SPAG16: variants seen among roughly 807,000 people sequenced by gnomAD.
SPAG16 encodes the protein sperm associated antigen 16.
Under a neutral mutation model 80.4 loss-of-function variants are expected in SPAG16, and 86 were observed. That is an observed-to-expected ratio of 1.07 (90% CI 0.90 to 1.28). The LOEUF (loss-of-function observed/expected upper bound fraction) is 1.28, where lower values mean the gene tolerates loss of function less well. Among genes scored for constraint, SPAG16 ranks in the 50% most tolerant of loss-of-function variants. The pLI is 0.00. For missense variants in SPAG16, 870 were observed against 765.3 expected (o/e 1.14, Z -1.61); for synonymous variants, 294 against 265.9 (o/e 1.11, Z -1.03).
At chr2:213,799,106 C>T (rs1253678196) in intron 10 of SPAG16, among the ~76,000 whole-genome samples, 1 of 151,852 alleles carries the variant, frequency 6.6e-6, no homozygotes, top group African/African-American at 2.4e-5. Flanking sequence ...TTTTGCAAAA[C>T]CAAAAAAGCA....
intron 10 of SPAG16, among the ~76,000 whole-genome samples, chr2:213,578,391 G>A (rs1207160809): frequency 6.6e-6 from 1 of 152,072 alleles, no homozygotes; most frequent in Non-Finnish European, 1.5e-5. Flanking sequence ...AGATGCTAAG[G>A]TGTGTATTCT....
chr2:214,367,496 T>G (rs1449915671), intron 15 of SPAG16, among the ~76,000 whole-genome samples: 1 of 152,154 alleles, frequency 6.6e-6, no homozygotes, highest in African/African-American at 2.4e-5. Flanking sequence ...TAATGACATT[T>G]TAGTACTTAT....
At position 213,310,383 on chromosome 2, in the gene SPAG16, T is replaced by A. The variant is rs180932546; in HGVS notation, c.398+206T>A. Among the ~76,000 whole-genome samples, 58 of 145,036 alleles carry A rather than the reference T, an allele frequency of 4.0e-4. No homozygotes were observed. In the East Asian group the frequency reaches 0.011, roughly 29 times the overall value. The stretch of plus-strand genomic sequence containing the variant: ...ACACACACACACACACAAATCAGAA[T>A]AGCAGTTACAAAGACATTTTTATTA... On this transcript the variant is annotated intron_variant, in intron 4 of 15. Coordinates refer to ENST00000331683, the MANE Select transcript of SPAG16 (RefSeq NM_024532.5).
chr2:214,131,420 A>G (rs1226689958), intron 14 of SPAG16, among the ~76,000 whole-genome samples: 1 of 152,046 alleles, frequency 6.6e-6, no homozygotes, highest in Non-Finnish European at 1.5e-5. Context: ...GTAGGTAACT[A>G]TTTGTTTGTA....
chr2:214,336,726 C>T (rs1697314809), intron 15 of SPAG16, among the ~76,000 whole-genome samples: 1 of 151,520 alleles, frequency 6.6e-6, no homozygotes, highest in South Asian at 2.1e-4. Flanking sequence ...AGTTAGATAG[C>T]TGTACAGTTT....
chr2:214,219,949 A>G (rs887065550), intron 15 of SPAG16, among the ~76,000 whole-genome samples: 1 of 120,962 alleles, frequency 8.3e-6, no homozygotes, highest in African/African-American at 2.5e-5. Flanking sequence ...TAATTTAGCA[A>G]AACCTGTTGG....
At chr2:213,574,997 C>G (rs1312276149) in intron 10 of SPAG16, among the ~76,000 whole-genome samples, 2 of 152,054 alleles carry the variant, frequency 1.3e-5, no homozygotes, top group Admixed American at 1.3e-4. Context: ...TCCCTTTCGT[C>G]TACTTCTTAT....
chr2:213,638,239 C>A (rs1204869576), intron 10 of SPAG16, among the ~76,000 whole-genome samples: 1 of 151,840 alleles, frequency 6.6e-6, no homozygotes, highest in East Asian at 1.9e-4. Flanking sequence ...GTTTCAATTT[C>A]TTTTAGTTCT....
chr2:214,047,961 C>T (rs2049427202), intron 13 of SPAG16, among the ~76,000 whole-genome samples: 1 of 152,072 alleles, frequency 6.6e-6, no homozygotes, highest in Admixed American at 6.6e-5. Context: ...TTGATCTTCA[C>T]AGAAGTGCAA....
At chr2:214,089,949 C>T (rs2052058701) in intron 13 of SPAG16, among the ~76,000 whole-genome samples, 1 of 151,966 alleles carries the variant, frequency 6.6e-6, no homozygotes, top group African/African-American at 2.4e-5. Context: ...AGTGTCTGCT[C>T]CCTGGGCAAC....
At chr2:213,802,954 A>C (rs111751853) in intron 10 of SPAG16, among the ~76,000 whole-genome samples, 2 of 152,178 alleles carry the variant, frequency 1.3e-5, no homozygotes, top group Non-Finnish European at 1.5e-5. Context: ...CAGCTACCAT[A>C]ACTGAATAGG....
At chr2:214,014,402 AG>A (rs888842136) in intron 13 of SPAG16, among the ~76,000 whole-genome samples, 1 of 152,222 alleles carries the variant, frequency 6.6e-6, no homozygotes, top group African/African-American at 2.4e-5. Context: ...AGCTAGGTAA[AG>A]GAAGAGAAAC....
intron 10 of SPAG16, among the ~76,000 whole-genome samples, chr2:213,843,036 C>A (rs974949685): frequency 1.3e-5 from 2 of 152,060 alleles, no homozygotes; most frequent in Non-Finnish European, 2.9e-5. Context: ...TCCCAAAATG[C>A]TGATTACACT....
intron 13 of SPAG16, among the ~76,000 whole-genome samples, chr2:214,074,174 A>G (rs755531279): frequency 1.6e-4 from 25 of 152,092 alleles, no homozygotes; most frequent in Non-Finnish European, 3.7e-4. Context: ...CCTCACCAGA[A>G]CCCAACCATG....
intron 10 of SPAG16, among the ~76,000 whole-genome samples, chr2:213,502,577 C>A (rs528847795): frequency 6.6e-6 from 1 of 152,158 alleles, no homozygotes; most frequent in African/African-American, 2.4e-5. Flanking sequence ...TTATGAATTT[C>A]TATTAAGAGA....
At chr2:213,640,138 A>C (rs1001293960) in intron 10 of SPAG16, among the ~76,000 whole-genome samples, 24 of 151,456 alleles carry the variant, frequency 1.6e-4, no homozygotes, top group Admixed American at 3.9e-4. Context: ...TTTTTCATCC[A>C]TATTCTGTTT....
At chr2:214,357,695 A>T (rs1214877191) in intron 15 of SPAG16, among the ~76,000 whole-genome samples, 1 of 151,624 alleles carries the variant, frequency 6.6e-6, no homozygotes, top group Non-Finnish European at 1.5e-5. Context: ...TGTGGGTCTG[A>T]CTTGCAGTCC....
At chr2:214,274,380 A>G (rs1447613665) in intron 15 of SPAG16, among the ~76,000 whole-genome samples, 1 of 152,224 alleles carries the variant, frequency 6.6e-6, no homozygotes, top group African/African-American at 2.4e-5. Flanking sequence ...GCCAGTTTTC[A>G]GAGGGAATGA....
intron 9 of SPAG16, among the ~76,000 whole-genome samples, chr2:213,469,811 C>T (rs2072975413): frequency 6.6e-6 from 1 of 152,092 alleles, no homozygotes; most frequent in Non-Finnish European, 1.5e-5. Context: ...AGGTCAATCA[C>T]ATCAGCCAAC....
Sources: gnomAD v4.1 joint callset for allele counts (sites outside exome capture counted in the v4.1 genomes callset) on GRCh38, gnomAD v4.1.1 for gene constraint, MANE v1.5 for transcripts, NCBI Gene and HGNC (gene_info 2026-07-23, HGNC 2026-07-21) for gene names.